The following TMEM132D variants were observed in gnomAD, a reference collection of about 807,000 sequenced individuals.
The protein encoded by TMEM132D is transmembrane protein 132D.
In TMEM132D, 21 loss-of-function variants were observed where a neutral mutation model predicts 62.3. The observed-to-expected ratio is 0.34, with a 90% confidence interval of 0.24 to 0.49. The LOEUF (loss-of-function observed/expected upper bound fraction) is 0.49, where lower values mean the gene tolerates loss of function less well. Ranked by LOEUF, TMEM132D falls within the 20% of genes least tolerant of loss-of-function variation. The probability of loss-of-function intolerance (pLI) is 0.99; values close to 1 mark genes in which losing one functional copy is unlikely to be tolerated. For synonymous variants in TMEM132D, 621 were observed against 575.6 expected, an observed-to-expected ratio of 1.08 and a Z score of -1.13; for missense variants, 1,346 against 1,402.8, an observed-to-expected ratio of 0.96 and a Z score of 0.65.
At chr12:129,714,279 T>C (rs1868483632) in intron 1 of TMEM132D, among the ~76,000 whole-genome samples, 1 of 152,244 alleles carries the variant, frequency 6.6e-6, no homozygotes, top group Non-Finnish European at 1.5e-5. Flanking sequence ...CCTTCTGCCA[T>C]ATGCCCTGGT....
At chr12:129,401,381 A>G (rs113786354) in intron 3 of TMEM132D, among the ~76,000 whole-genome samples, 5,480 of 152,190 alleles carry the variant, frequency 0.036, 304 homozygotes, top group African/African-American at 0.13. Flanking sequence ...AGCCTGGACA[A>G]TATAGTGAGA....
chr12:129,530,988 AG>A (rs537999190), intron 3 of TMEM132D, 70 bp downstream of exon 3: 1 of 1,159,484 alleles, frequency 8.6e-7, no homozygotes, highest in East Asian at 2.4e-5. Context: ...TTAGCAATCT[AG>A]GAAAAAAAAA....
At chr12:129,438,929 T>C (rs958348666) in intron 3 of TMEM132D, among the ~76,000 whole-genome samples, 3 of 152,200 alleles carry the variant, frequency 2.0e-5, no homozygotes, top group Non-Finnish European at 4.4e-5. Context: ...ATAGGACACA[T>C]GGAATCTGCT....
intron 4 of TMEM132D, among the ~76,000 whole-genome samples, chr12:129,260,965 A>G (rs1039441516): frequency 1.3e-5 from 2 of 152,182 alleles, no homozygotes; most frequent in Non-Finnish European, 2.9e-5. Context: ...ATGTGCTGTT[A>G]TAAACATGCA....
chr12:129,313,546 T>G (rs1308536765), intron 4 of TMEM132D, among the ~76,000 whole-genome samples: 1 of 130,598 alleles, frequency 7.7e-6, no homozygotes, highest in Non-Finnish European at 1.7e-5. Flanking sequence ...ATGTATATGA[T>G]ATATATATAT....
chr12:129,667,184 T>C (rs765311676), intron 2 of TMEM132D, among the ~76,000 whole-genome samples: 6 of 152,198 alleles, frequency 3.9e-5, no homozygotes, highest in Non-Finnish European at 5.9e-5. Context: ...TGTAAAGGGT[T>C]CTAAAAAGTT....
chr12:129,721,077 A>T (rs1051227571), intron 1 of TMEM132D, among the ~76,000 whole-genome samples: 6 of 152,210 alleles, frequency 3.9e-5, no homozygotes, highest in Admixed American at 3.3e-4. Context: ...TGAGCCGGAC[A>T]TTGGCATTCA....
At chr12:129,249,114 C>A (rs892885820) in intron 4 of TMEM132D, among the ~76,000 whole-genome samples, 1 of 152,076 alleles carries the variant, frequency 6.6e-6, no homozygotes. Context: ...TCAAAGATCC[C>A]GGGATATTGT....
intron 1 of TMEM132D, among the ~76,000 whole-genome samples, chr12:129,753,676 T>C (rs1000351691): frequency 3.9e-5 from 6 of 152,182 alleles, no homozygotes; most frequent in African/African-American, 1.4e-4. Context: ...ATGAAACACT[T>C]AAAATCCGTC....
chr12:129,105,253 T>A (rs1392211587), intron 5 of TMEM132D, among the ~76,000 whole-genome samples: 1 of 144,144 alleles, frequency 6.9e-6, no homozygotes, highest in Non-Finnish European at 1.5e-5. Context: ...GGGACATGGA[T>A]GAAATTGGAA....
chr12:129,136,856 A>G (rs1371001061), intron 5 of TMEM132D, among the ~76,000 whole-genome samples: 1 of 150,124 alleles, frequency 6.7e-6, no homozygotes, highest in Non-Finnish European at 1.5e-5. Context: ...CATCATCATT[A>G]TCATCACCAC....
chr12:129,434,659 GTTT>G (rs72491572), intron 3 of TMEM132D, among the ~76,000 whole-genome samples: 1 of 146,982 alleles, frequency 6.8e-6, no homozygotes, highest in South Asian at 2.2e-4. Flanking sequence ...TAAAGTTGTA[GTTT>G]TTTTTTTTTA....
chr12:129,450,519 C>T (rs1271625659), intron 3 of TMEM132D, among the ~76,000 whole-genome samples: 2 of 152,036 alleles, frequency 1.3e-5, no homozygotes, highest in Non-Finnish European at 2.9e-5. Context: ...AGTGAAGAGG[C>T]TACATGAAAT....
intron 3 of TMEM132D, among the ~76,000 whole-genome samples, chr12:129,449,672 AGC>A (rs1429078594): frequency 2.0e-5 from 3 of 152,198 alleles, no homozygotes; most frequent in African/African-American, 7.2e-5. Context: ...CCCATTTTCC[AGC>A]GTCTCATTGT....
At chr12:129,541,798 G>A (rs1876591340) in intron 2 of TMEM132D, among the ~76,000 whole-genome samples, 2 of 152,152 alleles carry the variant, frequency 1.3e-5, no homozygotes, top group African/African-American at 4.8e-5. Flanking sequence ...TTAACACGGT[G>A]TCTGGTAGAA....
At chr12:129,533,445 C>T (rs187993880) in intron 2 of TMEM132D, among the ~76,000 whole-genome samples, 115 of 152,352 alleles carry the variant, frequency 7.5e-4, no homozygotes, top group African/African-American at 2.6e-3. Context: ...GTCCCAATTA[C>T]TCTGCAGTGG....
chr12:129,610,578 G>T (rs1449790330), intron 2 of TMEM132D, among the ~76,000 whole-genome samples: 3 of 152,056 alleles, frequency 2.0e-5, no homozygotes, highest in Non-Finnish European at 2.9e-5. Context: ...GGTTTCTGTT[G>T]AAGGTACTCT....
At chr12:129,326,469 G>A (rs553918174) in intron 4 of TMEM132D, among the ~76,000 whole-genome samples, 37 of 152,286 alleles carry the variant, frequency 2.4e-4, no homozygotes, top group African/African-American at 7.9e-4. Flanking sequence ...ATCAAAAGAA[G>A]TACACTGCTT....
intron 2 of TMEM132D, among the ~76,000 whole-genome samples, chr12:129,695,582 C>T (rs896709904): frequency 3.9e-5 from 6 of 152,254 alleles, no homozygotes; most frequent in South Asian, 2.1e-4. Context: ...TCTTTGTTAA[C>T]AGTGCCCCAG....
Sources: allele counts gnomAD v4.1 joint callset (sites outside exome capture counted in the v4.1 genomes callset), GRCh38; gene constraint gnomAD v4.1.1; transcripts MANE v1.5; gene names NCBI Gene and HGNC (gene_info 2026-07-23, HGNC 2026-07-21).